DPP8: variants seen among roughly 807,000 people sequenced by gnomAD.
The protein encoded by DPP8 is DPP VIII.
Under a neutral mutation model 107.5 loss-of-function variants are expected in DPP8, and 31 were observed. The observed-to-expected ratio is 0.29, with a 90% CI of 0.22 to 0.39. DPP8 has a LOEUF of 0.39. Ranked by LOEUF, DPP8 falls within the 10% of genes least tolerant of loss-of-function variation. The pLI, the probability that DPP8 is intolerant of heterozygous loss-of-function variation, is 1.00. For missense variants in DPP8, 842 were observed against 1,076.1 expected, an observed-to-expected ratio of 0.78 and a Z score of 3.04; for synonymous variants, 381 against 356.6, an observed-to-expected ratio of 1.07 and a Z score of -0.77.
intron 1 of DPP8, among the ~76,000 whole-genome samples, chr15:65,514,978 G>T (rs1452666296): frequency 6.6e-6 from 1 of 152,148 alleles, no homozygotes; most frequent in South Asian, 2.1e-4. Flanking sequence ...TCAACAGAAA[G>T]ACCTCCTCCC....
At chr15:65,453,464 T>C (rs2064139961) in intron 17 of DPP8, among the ~76,000 whole-genome samples, 1 of 152,042 alleles carries the variant, frequency 6.6e-6, no homozygotes, top group South Asian at 2.1e-4. Flanking sequence ...CATATATATA[T>C]ATCTACACAC....
intron 1 of DPP8, among the ~76,000 whole-genome samples, chr15:65,514,943 G>C (rs2071260486): frequency 6.6e-6 from 1 of 152,194 alleles, no homozygotes; most frequent in South Asian, 2.1e-4. Context: ...TGCAAGAATA[G>C]GGCTGGGGAA....
intron 1 of DPP8, among the ~76,000 whole-genome samples, chr15:65,513,517 ACT>A (rs1005654950): frequency 2.9e-4 from 44 of 152,138 alleles, no homozygotes; most frequent in Non-Finnish European, 4.3e-4. Flanking sequence ...CAGCGTGGTG[ACT>A]CTGTATTTTA....
intron 3 of DPP8, among the ~76,000 whole-genome samples, chr15:65,503,762 A>G (rs2069550418): frequency 6.6e-6 from 1 of 152,024 alleles, no homozygotes; most frequent in Non-Finnish European, 1.5e-5. Context: ...AGCTAGGATT[A>G]CAGGCACCTG....
At chr15:65,493,717 T>G (rs1293399491) in intron 5 of DPP8, among the ~76,000 whole-genome samples, 2 of 152,192 alleles carry the variant, frequency 1.3e-5, no homozygotes, top group African/African-American at 4.8e-5. Context: ...TTATTATTTA[T>G]TAAATGAATA....
intron 4 of DPP8, among the ~76,000 whole-genome samples, chr15:65,499,327 G>A (rs1425104484): frequency 6.6e-6 from 1 of 151,630 alleles, no homozygotes; most frequent in Non-Finnish European, 1.5e-5. Flanking sequence ...CCAACTCCCA[G>A]ATTCAAGCAA....
chr15:65,479,256 A>T (rs1047442478), intron 10 of DPP8, among the ~76,000 whole-genome samples: 2 of 152,216 alleles, frequency 1.3e-5, no homozygotes, highest in Non-Finnish European at 2.9e-5. Context: ...AAATGTTTTC[A>T]AATGGAGTAA....
intron 4 of DPP8, 72 bp from the exon 5 acceptor site, chr15:65,498,104 G>A (rs983324062): frequency 4.4e-6 from 5 of 1,142,780 alleles, no homozygotes; most frequent in Non-Finnish European, 6.0e-6. Context: ...CTTCCTATAA[G>A]ATGAACAATA....
intron 6 of DPP8, among the ~76,000 whole-genome samples, chr15:65,488,431 ACC>A (rs760731916): frequency 2.6e-5 from 4 of 151,646 alleles, no homozygotes; most frequent in South Asian, 4.2e-4. Context: ...ACACGGCAAT[ACC>A]CCATCTCTAA....
intron 11 of DPP8, chr15:65,475,339 C>G (rs1009090690): frequency 8.2e-7 from 1 of 1,222,428 alleles, no homozygotes; most frequent in South Asian, 1.2e-5. Context: ...CCCGAGCCAG[C>G]TTTATCTTCT....
intron 2 of DPP8, among the ~76,000 whole-genome samples, chr15:65,508,758 A>T (rs2070386159): frequency 6.6e-6 from 1 of 152,084 alleles, no homozygotes. Flanking sequence ...AGGCTGAGGC[A>T]GGAGAATCAC....
At chr15:65,467,357 A>G in intron 12 of DPP8, 134 bp from the exon 13 acceptor site, 2 of 783,468 alleles carry the variant, frequency 2.6e-6, no homozygotes, top group Non-Finnish European at 4.0e-6. Flanking sequence ...TGCCACTATT[A>G]ATAAACCTGA....
chr15:65,512,645 A>G (rs1736944346), intron 1 of DPP8, 81 bp from the exon 2 acceptor site: 7 of 1,501,996 alleles, frequency 4.7e-6, no homozygotes, highest in East Asian at 2.3e-5. Context: ...TCAAAAAAAA[A>G]GCGGGGGAGT....
intron 7 of DPP8, 128 bp from the exon 8 acceptor site, chr15:65,485,288 A>G: frequency 1.5e-6 from 1 of 661,084 alleles, no homozygotes; most frequent in South Asian, 1.7e-5. Flanking sequence ...TCACGCCTGT[A>G]ATCCCAGCAC....
At chr15:65,468,939 T>C (rs2065603914) in intron 12 of DPP8, among the ~76,000 whole-genome samples, 1 of 152,114 alleles carries the variant, frequency 6.6e-6, no homozygotes, top group African/African-American at 2.4e-5. Flanking sequence ...CCACCAGAGT[T>C]TGATTCAGGA....
At chr15:65,507,829 G>A (rs970936656) in intron 2 of DPP8, among the ~76,000 whole-genome samples, 2 of 152,010 alleles carry the variant, frequency 1.3e-5, no homozygotes, top group Non-Finnish European at 2.9e-5. Context: ...TTTACAAGTT[G>A]GCAACAGGCT....
rs2066814926 is a variant in DPP8, at chr15:65,480,413, TAAAAG to T, written c.1119-19_1119-15del. The T allele has an allele frequency of 6.3e-7, 1 of 1,585,144 alleles. No homozygotes were observed. The highest frequency in any genetic ancestry group is 8.6e-7 in the Non-Finnish European group (1 of 1,166,908). On this transcript the variant is annotated splice_polypyrimidine_tract_variant and intron_variant, in intron 9 of 19. Coordinates refer to ENST00000300141, the MANE Select transcript of DPP8 (RefSeq NM_130434.5). ...ATGGACCAAGCACTATTTAAATAAATAAAAGAGAAGAACCAGAAATAAAGCAAGCT... is the reference window on the plus strand; with the variant it reads ...ATGGACCAAGCACTATTTAAATAAATAGAAGAACCAGAAATAAAGCAAGCT...
At chr15:65,490,492 T>A (rs571141920) in intron 5 of DPP8, among the ~76,000 whole-genome samples, 193 bp from the exon 6 acceptor site, 1 of 152,160 alleles carries the variant, frequency 6.6e-6, no homozygotes, top group Non-Finnish European at 1.5e-5. Context: ...CACTGCAGTA[T>A]CCCATTTGTA....
At chr15:65,460,273 C>T (rs1161884203) in intron 15 of DPP8, among the ~76,000 whole-genome samples, 1 of 151,822 alleles carries the variant, frequency 6.6e-6, no homozygotes, top group African/African-American at 2.4e-5. Context: ...GAAACCCTGT[C>T]TCTACTAAAA....
Sources: allele counts gnomAD v4.1 joint callset (sites outside exome capture counted in the v4.1 genomes callset), GRCh38; gene constraint gnomAD v4.1.1; transcripts MANE v1.5; gene names NCBI Gene and HGNC (gene_info 2026-07-23, HGNC 2026-07-21).